The following EPB41 variants were observed in gnomAD, a reference collection of about 807,000 sequenced individuals.
The protein encoded by EPB41 is protein 4.1.
A neutral mutation model predicts 108.0 loss-of-function variants in EPB41; 65 were observed. The observed-to-expected ratio is 0.60, with a 90% CI of 0.49 to 0.74. The LOEUF (loss-of-function observed/expected upper bound fraction) is 0.74. Ranked by LOEUF, EPB41 falls within the 30% of genes least tolerant of loss-of-function variation. EPB41 has a pLI of 0.00. For synonymous variants in EPB41, 336 were observed against 358.9 expected, an observed-to-expected ratio of 0.94 and a Z score of 0.72; for missense variants, 875 against 1,037.0, an observed-to-expected ratio of 0.84 and a Z score of 2.15.
intron 1 of EPB41, among the ~76,000 whole-genome samples, chr1:28,900,671 T>C (rs1268158183): frequency 6.6e-6 from 1 of 152,116 alleles, no homozygotes; most frequent in Admixed American, 6.6e-5. Flanking sequence ...CCTCCCGGGC[T>C]GTCCTGAGGC....
chr1:29,066,286 G>A (rs915815913), intron 16 of EPB41, among the ~76,000 whole-genome samples: 5 of 151,992 alleles, frequency 3.3e-5, no homozygotes, highest in Non-Finnish European at 7.4e-5. Context: ...GGGCATGGTG[G>A]CACATGCCTG....
At chr1:28,938,924 A>G (rs1482060346) in intron 1 of EPB41, among the ~76,000 whole-genome samples, 3 of 152,198 alleles carry the variant, frequency 2.0e-5, no homozygotes, top group African/African-American at 4.8e-5. Context: ...GTCATCTGCA[A>G]ATAGGGATAG....
intron 1 of EPB41, among the ~76,000 whole-genome samples, chr1:28,923,335 T>C (rs907114678): frequency 1.3e-5 from 2 of 151,966 alleles, no homozygotes; most frequent in Non-Finnish European, 2.9e-5. Flanking sequence ...CCTCAGGTAA[T>C]CTACCCGCCT....
At chr1:28,959,736 T>C (rs1178917821) in intron 1 of EPB41, among the ~76,000 whole-genome samples, 1 of 152,196 alleles carries the variant, frequency 6.6e-6, no homozygotes, top group Non-Finnish European at 1.5e-5. Flanking sequence ...TGGGTTTAAC[T>C]AATTTTTAAC....
At chr1:28,997,679 GGAT>G (rs1328246505) in intron 4 of EPB41, among the ~76,000 whole-genome samples, 1 of 151,734 alleles carries the variant, frequency 6.6e-6, no homozygotes, top group Non-Finnish European at 1.5e-5. Flanking sequence ...TTTGTTGAAT[GGAT>G]GATCTGTTAT....
intron 1 of EPB41, among the ~76,000 whole-genome samples, chr1:28,889,417 C>T (rs2089847666): frequency 6.6e-6 from 1 of 152,232 alleles, no homozygotes; most frequent in Non-Finnish European, 1.5e-5. Context: ...TTGGCCCATC[C>T]CTCCTAGACC....
At chr1:29,041,137 A>C (rs933402324) in intron 11 of EPB41, 1 of 119,768 alleles carries the variant, frequency 8.3e-6, no homozygotes, top group Non-Finnish European at 1.8e-5. Context: ...GTGTCTCATA[A>C]ATAAATAAAT....
At chr1:28,990,653 G>T (rs995577506) in intron 2 of EPB41, among the ~76,000 whole-genome samples, 1 of 151,744 alleles carries the variant, frequency 6.6e-6, no homozygotes, top group Non-Finnish European at 1.5e-5. Flanking sequence ...TCCTGAACTC[G>T]AGCAATCCTT....
At chr1:28,955,584 C>T (rs968252697) in intron 1 of EPB41, among the ~76,000 whole-genome samples, 1 of 152,090 alleles carries the variant, frequency 6.6e-6, no homozygotes, top group Non-Finnish European at 1.5e-5. Flanking sequence ...ACCTCATGAT[C>T]CGCTCACCTT....
At chr1:28,924,075 C>T (rs916844320) in intron 1 of EPB41, among the ~76,000 whole-genome samples, 2 of 152,216 alleles carry the variant, frequency 1.3e-5, no homozygotes, top group Non-Finnish European at 2.9e-5. Context: ...ATCCTGAGAA[C>T]ACTCAGGCAG....
chr1:28,978,690 G>A (rs930805222), intron 1 of EPB41, among the ~76,000 whole-genome samples: 2 of 151,294 alleles, frequency 1.3e-5, no homozygotes, highest in African/African-American at 4.9e-5. Flanking sequence ...TTTTTGGTGG[G>A]TATCATTAAA....
In EPB41 at chr1:28,944,480, A is replaced by G. The variant is rs149071437; in HGVS notation, c.-8+29712A>G. Among the ~76,000 whole-genome samples, 680 of 151,528 alleles carry G rather than the reference A, an allele frequency of 4.5e-3. 3 individuals are homozygous for G. The highest frequency in any genetic ancestry group is 6.9e-3 in the Non-Finnish European group (472 of 67,938). On this transcript the variant is annotated intron_variant, in intron 1 of 20. Coordinates refer to ENST00000343067, the MANE Select transcript of EPB41 (RefSeq NM_001376013.1). ...TCAAATCATCTCACATACCCCATAAATATATATGCTTACTGTGTACTCACA... is the reference window on the plus strand; with the variant it reads ...TCAAATCATCTCACATACCCCATAAGTATATATGCTTACTGTGTACTCACA...
intron 9 of EPB41, among the ~76,000 whole-genome samples, chr1:29,034,641 A>G (rs891778073): frequency 2.0e-4 from 30 of 152,228 alleles, no homozygotes; most frequent in Middle Eastern, 3.2e-3. Context: ...ATAAAGAGGC[A>G]AGAGGTCAGC....
At chr1:29,112,505 G>GA in intron 19 of EPB41, 57 bp downstream of exon 19, 1 of 1,366,696 alleles carries the variant, frequency 7.3e-7, no homozygotes, top group Non-Finnish European at 1.0e-6. Context: ...GAAGACCGAT[G>GA]AATACAGGAG....
chr1:29,077,805 T>A (rs1363768792), intron 16 of EPB41, among the ~76,000 whole-genome samples: 1 of 152,242 alleles, frequency 6.6e-6, no homozygotes, highest in Admixed American at 6.5e-5. Context: ...TATGCTCCAA[T>A]CAAACTTTAT....
chr1:29,098,013 T>C (rs1456240051), intron 17 of EPB41, 78 bp downstream of exon 17: 55 of 1,596,782 alleles, frequency 3.4e-5, no homozygotes, highest in Non-Finnish European at 4.5e-5. Context: ...TTTCTAGTCA[T>C]TTATCGCCAA....
chr1:29,075,357 A>G (rs1218200815), intron 16 of EPB41, among the ~76,000 whole-genome samples: 1 of 151,762 alleles, frequency 6.6e-6, no homozygotes, highest in African/African-American at 2.4e-5. Context: ...AGGCATCTGT[A>G]ATCCCAGCTC....
At chr1:28,969,765 G>T (rs2095451167) in intron 1 of EPB41, among the ~76,000 whole-genome samples, 1 of 152,142 alleles carries the variant, frequency 6.6e-6, no homozygotes. Context: ...GCCGGGCGTG[G>T]CGGTGGGCAC....
At position 29,018,148 on chromosome 1, in the gene EPB41, C is replaced by T. The variant is rs1195289620; in HGVS notation, c.906-76C>T. The T allele has an allele frequency of 1.5e-6, 2 of 1,321,308 alleles. No homozygotes were observed. The highest frequency in any genetic ancestry group is 2.2e-6 in the Non-Finnish European group (2 of 922,950). The allele number at this position is 1,321,308 out of a possible 1,614,324, so 81.8% of individuals were successfully genotyped here. ...TTTCTCTCTCTCCCTTTCTGTTTCT[C>T]CCCTTTTCTCCTTTTTCTCTCTTTA... On this transcript the variant is annotated intron_variant, in intron 6 of 20. Coordinates refer to ENST00000343067, the MANE Select transcript of EPB41 (RefSeq NM_001376013.1). This position sits in a 1 kb window ranked among gnomAD's most constrained non-coding sequence, Gnocchi z 4.4.
Sources: gnomAD v4.1 joint callset for allele counts (sites outside exome capture counted in the v4.1 genomes callset) on GRCh38, gnomAD v4.1.1 for gene constraint, Gnocchi (gnomAD v3.1) non-coding constraint, MANE v1.5 for transcripts, NCBI Gene and HGNC (gene_info 2026-07-23, HGNC 2026-07-21) for gene names.